Variants in WDFY2 observed in about 807,000 individuals in gnomAD.
WDFY2 encodes the protein WD repeat and FYVE domain-containing protein 2.
A neutral mutation model predicts 56.4 loss-of-function variants in WDFY2; 36 were observed. The observed-to-expected ratio is 0.64, with a 90% CI of 0.49 to 0.84. The LOEUF is 0.84. Ranked by LOEUF, WDFY2 falls within the 40% of genes least tolerant of loss-of-function variation. The pLI is 0.00. For missense variants in WDFY2, 444 were observed against 512.2 expected, an observed-to-expected ratio of 0.87 and a Z score of 1.29; for synonymous variants, 176 against 183.7, an observed-to-expected ratio of 0.96 and a Z score of 0.34.
rs1321804844 is a variant in WDFY2, at chr13:51,760,363, G to A, written c.*594G>A. 1 of 152,144 alleles carries A rather than the reference G, an allele frequency of 6.6e-6. No homozygotes were observed. Among genetic ancestry groups the A allele is most frequent in the Non-Finnish European group, 1.5e-5 (1 of 68,048 alleles). The allele number at this position is 152,144 out of a possible 1,614,324, so 9.4% of individuals were successfully genotyped here. A position where few individuals can be genotyped will look rare whatever the true frequency, so the allele number is the denominator to read the frequency against. On this transcript the variant is annotated 3_prime_UTR_variant, in exon 12 of 12. Coordinates refer to ENST00000298125, the MANE Select transcript of WDFY2 (RefSeq NM_052950.4). The stretch of plus-strand genomic sequence containing the variant: ...GCCAGCTGCTGGAATTGCCTGAAGA[G>A]CGATTTGTTTGTAATGTCTGCCTCA...
At chr13:51,675,552 C>G (rs2138503361) in intron 3 of WDFY2, among the ~76,000 whole-genome samples, 1 of 152,270 alleles carries the variant, frequency 6.6e-6, no homozygotes, top group Non-Finnish European at 1.5e-5. Flanking sequence ...ATACTAGTGG[C>G]TTTAATCAGA....
chr13:51,594,980 CT>C (rs560618176), intron 1 of WDFY2, among the ~76,000 whole-genome samples: 48 of 152,038 alleles, frequency 3.2e-4, no homozygotes, highest in Admixed American at 3.1e-3. Flanking sequence ...GTCTGTTGAA[CT>C]TTTTTTTGTT....
At chr13:51,597,048 T>C (rs1355450878) in intron 1 of WDFY2, among the ~76,000 whole-genome samples, 1 of 152,200 alleles carries the variant, frequency 6.6e-6, no homozygotes, top group Non-Finnish European at 1.5e-5. Flanking sequence ...GTAGATTATA[T>C]TTCTCCAGTG....
At position 51,762,936 on chromosome 13, in the gene WDFY2, A is replaced by G. The variant is rs1029396473; in HGVS notation, c.*3167A>G. The G allele has an allele frequency of 4.6e-5, 7 of 152,238 alleles. No individual in the cohort carries two copies. Among genetic ancestry groups the G allele is most frequent in the African/African-American group, 1.7e-4 (7 of 41,464 alleles). 9.4% of individuals were successfully genotyped at this position (152,238 alleles called of 1,614,324 possible). On this transcript the variant is annotated 3_prime_UTR_variant, in exon 12 of 12. Coordinates refer to ENST00000298125, the MANE Select transcript of WDFY2 (RefSeq NM_052950.4). ...CATTACTGCCTGAGTGTATCTTCAC[A>G]ATAGCAAAATGGTTTGAGATTAAGC...
intron 1 of WDFY2, among the ~76,000 whole-genome samples, chr13:51,652,639 G>T (rs896041399): frequency 2.4e-4 from 37 of 152,202 alleles, no homozygotes; most frequent in African/African-American, 7.5e-4. Context: ...GTCTGTAAAG[G>T]ATTTTATTTC....
At position 51,601,570 on chromosome 13, in the gene WDFY2, A is replaced by G. The variant is rs1593862158; in HGVS notation, c.137+16746A>G. Among the ~76,000 whole-genome samples the G allele has an allele frequency of 5.9e-5, 9 of 152,246 alleles. No homozygotes were observed. In the South Asian group the frequency reaches 1.9e-3, roughly 32 times the overall value. On this transcript the variant is annotated intron_variant, in intron 1 of 11. Coordinates refer to ENST00000298125, the MANE Select transcript of WDFY2 (RefSeq NM_052950.4). ...GCTAGGATTACAGGCACCTGCCACC[A>G]TGCCCGGCTAATTTTTGTATTTTTA...
At chr13:51,750,135 T>C (rs1353291501) in intron 7 of WDFY2, among the ~76,000 whole-genome samples, 1 of 152,214 alleles carries the variant, frequency 6.6e-6, no homozygotes, top group East Asian at 1.9e-4. Flanking sequence ...ATTACTGAAT[T>C]GGCTAGCAGT....
chr13:51,666,593 G>A (rs1955704986), intron 2 of WDFY2, among the ~76,000 whole-genome samples: 1 of 152,136 alleles, frequency 6.6e-6, no homozygotes, highest in Non-Finnish European at 1.5e-5. Context: ...TGTATTATGA[G>A]GCAGAAAAGA....
At chr13:51,595,382 A>G (rs1954125664) in intron 1 of WDFY2, among the ~76,000 whole-genome samples, 1 of 152,224 alleles carries the variant, frequency 6.6e-6, no homozygotes. Context: ...CAGTGTTTTT[A>G]GAAGTTTTGA....
chr13:51,656,603 T>G (rs1955513626), intron 1 of WDFY2, among the ~76,000 whole-genome samples: 1 of 152,070 alleles, frequency 6.6e-6, no homozygotes, highest in Admixed American at 6.5e-5. Flanking sequence ...TGTAGAACTC[T>G]CTATTTCTCC....
intron 1 of WDFY2, among the ~76,000 whole-genome samples, chr13:51,625,487 C>A (rs916942710): frequency 6.6e-6 from 1 of 152,168 alleles, no homozygotes. Flanking sequence ...TAAATCTGTT[C>A]ATCTTAAAAG....
chr13:51,584,521 C>G lies in WDFY2; in HGVS notation c.-167C>G. 1 of 920,014 alleles carries G rather than the reference C, an allele frequency of 1.1e-6. No individual in the cohort carries two copies. Among genetic ancestry groups the G allele is most frequent in the Non-Finnish European group, 1.6e-6 (1 of 641,122 alleles). 57.0% of individuals were successfully genotyped at this position (920,014 alleles called of 1,614,324 possible). A position where few individuals can be genotyped will look rare whatever the true frequency, so the allele number is the denominator to read the frequency against. ...GTTTTGGTGCCTGAAGCAGGGAGCG[C>G]GGAGTCGTTCCCGAGAGAGGCGGCC... On this transcript the variant is annotated 5_prime_UTR_variant, in exon 1 of 12. Transcript: ENST00000298125.
intron 7 of WDFY2, among the ~76,000 whole-genome samples, chr13:51,746,801 A>C (rs1953115363): frequency 6.6e-6 from 1 of 152,246 alleles, no homozygotes; most frequent in South Asian, 2.1e-4. Context: ...TTAAAACAAC[A>C]TCAACAGTAT....
intron 3 of WDFY2, among the ~76,000 whole-genome samples, chr13:51,691,678 G>A (rs1422111916): frequency 3.3e-5 from 5 of 151,884 alleles, no homozygotes; most frequent in African/African-American, 4.8e-5. Flanking sequence ...TTGGCGATGC[G>A]GGCTCTTTTT....
intron 1 of WDFY2, among the ~76,000 whole-genome samples, chr13:51,656,815 C>T (rs181022981): frequency 2.0e-4 from 31 of 151,982 alleles, no homozygotes; most frequent in African/African-American, 7.5e-4. Flanking sequence ...CTTTTGGTTA[C>T]TATTTGAATG....
chr13:51,674,238 T>C (rs1593400543), intron 2 of WDFY2, among the ~76,000 whole-genome samples: 1 of 152,228 alleles, frequency 6.6e-6, no homozygotes, highest in Non-Finnish European at 1.5e-5. Flanking sequence ...ATGATCTACA[T>C]GGCTTCTGTG....
chr13:51,746,044 T>C (rs1303931722), intron 7 of WDFY2, among the ~76,000 whole-genome samples: 1 of 150,252 alleles, frequency 6.7e-6, no homozygotes, highest in Admixed American at 6.7e-5. Context: ...TGGTGTGATC[T>C]TGGCTCACTG....
At chr13:51,692,494 A>G (rs1204558417) in intron 3 of WDFY2, among the ~76,000 whole-genome samples, 2 of 152,286 alleles carry the variant, frequency 1.3e-5, no homozygotes, top group East Asian at 1.9e-4. Context: ...GCTGGATTAC[A>G]TTTATTGATT....
intron 1 of WDFY2, among the ~76,000 whole-genome samples, chr13:51,633,652 T>C (rs1038057570): frequency 6.6e-6 from 1 of 152,084 alleles, no homozygotes; most frequent in African/African-American, 2.4e-5. Flanking sequence ...GTGGAGACTT[T>C]TTTTCTCCTG....
Sources: gnomAD v4.1 joint callset for allele counts (sites outside exome capture counted in the v4.1 genomes callset) on GRCh38, gnomAD v4.1.1 for gene constraint, MANE v1.5 for transcripts, NCBI Gene and HGNC (gene_info 2026-07-23, HGNC 2026-07-21) for gene names.